The following DOCK3 variants were observed in gnomAD, a reference collection of about 807,000 sequenced individuals.
DOCK3 encodes dedicator of cytokinesis 3, also known as dedicator of cytokinesis protein 3.
In DOCK3, 60 loss-of-function variants were observed where a neutral mutation model predicts 265.6. The ratio of observed to expected loss-of-function variants is 0.23; its 90% CI spans 0.18 to 0.28. The LOEUF (loss-of-function observed/expected upper bound fraction) is 0.28. Ranked by LOEUF, DOCK3 falls within the 10% of genes least tolerant of loss-of-function variation. The pLI is 1.00. For missense variants in DOCK3, 1,981 were observed against 2,594.3 expected, an observed-to-expected ratio of 0.76 and a Z score of 5.14; for synonymous variants, 881 against 938.0, an observed-to-expected ratio of 0.94 and a Z score of 1.11.
chr3:50,833,502 T>C (rs1271910469), intron 2 of DOCK3, among the ~76,000 whole-genome samples: 2 of 152,198 alleles, frequency 1.3e-5, no homozygotes, highest in Non-Finnish European at 2.9e-5. Context: ...AAACTTTTTT[T>C]AAAAGCCAAG....
chr3:51,264,686 G>A (rs1031327905), intron 23 of DOCK3, among the ~76,000 whole-genome samples: 1 of 151,962 alleles, frequency 6.6e-6, no homozygotes, highest in African/African-American at 2.4e-5. Flanking sequence ...AATTAGCCGG[G>A]CATGGTGGCG....
chr3:51,277,525 A>T (rs929789995), intron 25 of DOCK3, 83 bp from the exon 26 acceptor site: 2 of 1,462,988 alleles, frequency 1.4e-6, no homozygotes, highest in Non-Finnish European at 1.8e-6. Flanking sequence ...ACTACTGCTG[A>T]TGTGGCTGAC....
intron 1 of DOCK3, among the ~76,000 whole-genome samples, chr3:50,758,322 A>C (rs1165998201): frequency 6.6e-6 from 1 of 150,554 alleles, no homozygotes; most frequent in East Asian, 2.0e-4. Flanking sequence ...TCACAATTGT[A>C]ATTTTATAGT....
rs1289197929 is a variant in DOCK3, at chr3:50,896,347, G to GT, written c.218+6273dup. Among the ~76,000 whole-genome samples, 11 of 152,178 alleles carry GT rather than the reference G, an allele frequency of 7.2e-5. No individual in the cohort carries two copies. The South Asian group carries it at 2.1e-3, about 29-fold the overall frequency. On this transcript the variant is annotated intron_variant, in intron 4 of 52. Transcript: ENST00000266037. ...CCTTTGCCCACTTTTTGATGGAGTT[G>GT]TTTTTTTCTTATAAATTTGTTTAAT...
intron 7 of DOCK3, among the ~76,000 whole-genome samples, chr3:51,081,342 A>G (rs998113832): frequency 7.9e-5 from 12 of 152,182 alleles, no homozygotes; most frequent in Admixed American, 5.9e-4. Flanking sequence ...AACACCACGC[A>G]CTGAACATTT....
chr3:50,957,114 C>T (rs1049049854), intron 5 of DOCK3, among the ~76,000 whole-genome samples: 2 of 152,154 alleles, frequency 1.3e-5, no homozygotes, highest in African/African-American at 2.4e-5. Context: ...CTGGTCAATG[C>T]TAAGTCATGG....
At chr3:51,140,639 T>C (rs946479330) in intron 9 of DOCK3, among the ~76,000 whole-genome samples, 82 of 152,318 alleles carry the variant, frequency 5.4e-4, no homozygotes, top group African/African-American at 1.8e-3. Flanking sequence ...CTGGGTCATA[T>C]GGTTTCTATG....
chr3:50,837,382 C>T (rs964000554), intron 2 of DOCK3, among the ~76,000 whole-genome samples: 4 of 152,162 alleles, frequency 2.6e-5, no homozygotes, highest in African/African-American at 9.7e-5. Context: ...AGGAAACTTA[C>T]AGTCATGGTG....
intron 12 of DOCK3, among the ~76,000 whole-genome samples, chr3:51,175,877 A>G (rs1334936958): frequency 6.6e-6 from 1 of 152,140 alleles, no homozygotes; most frequent in Non-Finnish European, 1.5e-5. Context: ...AGACCTTCCC[A>G]TTTTCCATGG....
At chr3:51,259,342 A>T (rs916410427) in intron 22 of DOCK3, among the ~76,000 whole-genome samples, 3 of 152,188 alleles carry the variant, frequency 2.0e-5, no homozygotes, top group African/African-American at 7.2e-5. Flanking sequence ...TCAGCCTTGC[A>T]TAAGTTTCTC....
chr3:51,239,215 A>ATTTATTTATTTATTTG, intron 21 of DOCK3, among the ~76,000 whole-genome samples: 1 of 151,004 alleles, frequency 6.6e-6, no homozygotes, highest in Non-Finnish European at 1.5e-5. Context: ...TTATTTATTT[A>ATTTATTTATTTATTTG]TTTATTTATT....
At position 51,381,427 on chromosome 3, in the gene DOCK3, C is replaced by T. The variant is rs782242895; in HGVS notation, c.5961C>T (p.His1987=). The T allele has an allele frequency of 3.5e-5, 57 of 1,611,332 alleles. No individual in the cohort carries two copies. The highest frequency in any genetic ancestry group is 1.2e-4 in the South Asian group (11 of 90,906). ...ACCCCCGCCTGCCGGCCCTGGAGCACGATGAGGGGGTGCTGCTGCGTGAAG... is the reference window on the plus strand; with the variant it reads ...ACCCCCGCCTGCCGGCCCTGGAGCATGATGAGGGGGTGCTGCTGCGTGAAG... ...PYHPRLPALE[H]DEGVLLREET... is the part of the protein sequence containing the mutation. Residue 1987 remains histidine (H), a synonymous_variant, in exon 53 of 53, where the codon CAC becomes CAT. Coordinates refer to ENST00000266037, the MANE Select transcript of DOCK3 (RefSeq NM_004947.5). This position sits in a 1 kb window ranked among gnomAD's most constrained non-coding sequence, Gnocchi z 5.6.
At chr3:50,915,838 T>C (rs2050089520) in intron 4 of DOCK3, among the ~76,000 whole-genome samples, 1 of 152,022 alleles carries the variant, frequency 6.6e-6, no homozygotes, top group African/African-American at 2.4e-5. Context: ...ATGAGGGTAC[T>C]ACCTCAGCTC....
chr3:51,206,241 T>C (rs953849220), intron 12 of DOCK3, among the ~76,000 whole-genome samples: 10 of 152,214 alleles, frequency 6.6e-5, no homozygotes, highest in Admixed American at 6.5e-4. Context: ...ATTTAAGCTA[T>C]AAGAAATAAC....
At chr3:50,803,696 G>A (rs536242792) in intron 2 of DOCK3, among the ~76,000 whole-genome samples, 4 of 151,844 alleles carry the variant, frequency 2.6e-5, no homozygotes, top group African/African-American at 9.7e-5. Context: ...CTACCAGGCG[G>A]GGGCTGCCCC....
chr3:50,967,938 G>T (rs1235058938), intron 5 of DOCK3, among the ~76,000 whole-genome samples: 2 of 152,132 alleles, frequency 1.3e-5, no homozygotes, highest in Non-Finnish European at 2.9e-5. Flanking sequence ...TCTGTTTTCA[G>T]TTGTTTTGAG....
At chr3:50,725,574 T>C (rs900739284) in intron 1 of DOCK3, among the ~76,000 whole-genome samples, 3 of 151,992 alleles carry the variant, frequency 2.0e-5, no homozygotes, top group African/African-American at 7.2e-5. Context: ...AACCACCAAG[T>C]GAATGCTTAA....
intron 7 of DOCK3, among the ~76,000 whole-genome samples, chr3:51,082,996 T>G (rs2082296565): frequency 6.6e-6 from 1 of 152,186 alleles, no homozygotes; most frequent in Non-Finnish European, 1.5e-5. Context: ...GAGTACCCAC[T>G]TGATCATTAT....
intron 27 of DOCK3, among the ~76,000 whole-genome samples, chr3:51,302,195 C>CT (rs1446443479): frequency 6.6e-6 from 1 of 152,064 alleles, no homozygotes. Flanking sequence ...CCTTCTTTAT[C>CT]TTTTTTTGTC....
Sources: allele counts gnomAD v4.1 joint callset (sites outside exome capture counted in the v4.1 genomes callset), GRCh38; gene constraint gnomAD v4.1.1; non-coding constraint Gnocchi (gnomAD v3.1); transcripts MANE v1.5; gene names NCBI Gene and HGNC (gene_info 2026-07-23, HGNC 2026-07-21).